Variants in ANXA4 observed in about 807,000 individuals in gnomAD.
ANXA4 encodes annexin A4.
In ANXA4, 39 loss-of-function variants were observed where a neutral mutation model predicts 49.8. The observed-to-expected ratio is 0.78, with a 90% CI of 0.61 to 1.02. The LOEUF (loss-of-function observed/expected upper bound fraction) is 1.02, where lower values mean the gene tolerates loss of function less well. Among genes scored for constraint, ANXA4 ranks in the 50% least tolerant of loss-of-function variants. ANXA4 has a pLI of 0.00. For missense variants in ANXA4, 360 were observed against 410.1 expected, an observed-to-expected ratio of 0.88 and a Z score of 1.05; for synonymous variants, 134 against 152.5, an observed-to-expected ratio of 0.88 and a Z score of 0.89.
intron 1 of ANXA4, among the ~76,000 whole-genome samples, chr2:69,745,884 G>C (rs1670592019): frequency 6.6e-6 from 1 of 152,128 alleles, no homozygotes; most frequent in Non-Finnish European, 1.5e-5. Context: ...TTCATAAATT[G>C]AATAAAGCAT....
Position 69,810,626 on chromosome 2 carries a change from T to C in ANXA4, c.430T>C (p.Ser144Pro). 1 of 1,614,128 alleles carries C rather than the reference T, an allele frequency of 6.2e-7. No individual in the cohort carries two copies. Among genetic ancestry groups the C allele is most frequent in the Middle Eastern group, 1.7e-4 (1 of 6,060 alleles). Residue 144 changes from serine (S) to proline (P), a missense_variant, in exon 7 of 13, where the codon TCT (serine) becomes CCT (proline). By Grantham distance (74) the Ser-to-Pro change is moderately conservative. Transcript: ENST00000394295. ...ACGGAGCCTTGAAGATGACATTCGC[T>C]CTGACACATCGTTCATGTTCCAGCG... is the stretch of plus-strand genomic sequence containing the variant. Reference protein sequence around the residue: ...YGRSLEDDIRSDTSFMFQRVL... With the variant: ...YGRSLEDDIRPDTSFMFQRVL...
chr2:69,727,995 A>G (rs1670004945), intron 3 of ANXA4, among the ~76,000 whole-genome samples: 1 of 152,226 alleles, frequency 6.6e-6, no homozygotes, highest in Admixed American at 6.5e-5. Context: ...ATTTGTCTAA[A>G]GGAAACACTC....
chr2:69,802,149 G>A (rs1352050390), intron 3 of ANXA4, among the ~76,000 whole-genome samples: 1 of 152,192 alleles, frequency 6.6e-6, no homozygotes, highest in Non-Finnish European at 1.5e-5. Flanking sequence ...AGATGATGGG[G>A]AGCCATTGTG....
chr2:69,752,437 A>G (rs1670881132), intron 1 of ANXA4, among the ~76,000 whole-genome samples: 1 of 152,198 alleles, frequency 6.6e-6, no homozygotes, highest in Non-Finnish European at 1.5e-5. Context: ...ATCAAGGCAG[A>G]GATTTAGCCT....
At chr2:69,803,386 C>G (rs1558515076) in intron 3 of ANXA4, 1 of 152,118 alleles carries the variant, frequency 6.6e-6, no homozygotes, top group African/African-American at 2.4e-5. Context: ...TCCAACCCCC[C>G]ATACAGCACA....
intron 3 of ANXA4, among the ~76,000 whole-genome samples, chr2:69,731,606 C>G (rs892074336): frequency 2.0e-5 from 3 of 151,542 alleles, no homozygotes; most frequent in Admixed American, 6.5e-5. Context: ...TGAATATGAG[C>G]TGCGGCTCAG....
chr2:69,666,451 T>C (rs1414561311), intron 2 of ANXA4, among the ~76,000 whole-genome samples: 1 of 152,186 alleles, frequency 6.6e-6, no homozygotes, highest in East Asian at 1.9e-4. Context: ...GGTTAAACAG[T>C]ATCACCATAT....
At chr2:69,644,419 C>T (rs1675917554), upstream of ANXA4, 1 of 152,202 alleles carries the variant, frequency 6.6e-6, no homozygotes, top group Non-Finnish European at 1.5e-5. Flanking sequence ...GAGCGCCAGC[C>T]TTGAAATAAG....
chr2:69,648,485 G>A (rs1315332144), intron 1 of ANXA4, among the ~76,000 whole-genome samples: 4 of 152,192 alleles, frequency 2.6e-5, no homozygotes, highest in African/African-American at 9.7e-5. Flanking sequence ...GAGAACCACT[G>A]TTTAGCAGAA....
intron 2 of ANXA4, among the ~76,000 whole-genome samples, chr2:69,660,726 C>A (rs1676680765): frequency 6.8e-6 from 1 of 147,334 alleles, no homozygotes; most frequent in African/African-American, 2.5e-5. Context: ...AGAGAAAGAA[C>A]CAATTAACTA....
chr2:69,700,470 C>G (rs191729947), intron 2 of ANXA4: 3 of 152,322 alleles, frequency 2.0e-5, no homozygotes, highest in Admixed American at 2.0e-4. Flanking sequence ...CTGCCACCAT[C>G]CGTACTCTTC....
At chr2:69,699,100 G>C (rs1423676809) in intron 2 of ANXA4, among the ~76,000 whole-genome samples, 1 of 152,150 alleles carries the variant, frequency 6.6e-6, no homozygotes, top group Non-Finnish European at 1.5e-5. Flanking sequence ...AGGATGTGAT[G>C]GTCTTTGCCA....
chr2:69,700,550 A>G (rs1466519422), intron 2 of ANXA4, among the ~76,000 whole-genome samples: 1 of 152,254 alleles, frequency 6.6e-6, no homozygotes, highest in Non-Finnish European at 1.5e-5. Flanking sequence ...CTCATAATTT[A>G]TCACATACAT....
chr2:69,695,598 G>A (rs766410169), intron 2 of ANXA4, among the ~76,000 whole-genome samples: 2 of 152,194 alleles, frequency 1.3e-5, no homozygotes, highest in Admixed American at 1.3e-4. Context: ...AACCACGCTG[G>A]GGAGAGCTGG....
At position 69,656,333 on chromosome 2, in the gene ANXA4, G is replaced by A. The variant is rs201231435; in HGVS notation, n.766+3051G>A. ...TATATGTATATATATGTATATATAT[G>A]TGTATATATATGTGTATATATGTGT... On this transcript the variant is annotated intron_variant and non_coding_transcript_variant, in intron 2 of 3. Transcript: ENST00000418066. 8.7e-5 allele frequency among the ~76,000 whole-genome samples: 8 copies of A among 91,434 alleles called. No homozygotes were observed. The East Asian group carries it at 3.5e-3, about 40-fold the overall frequency. The allele number at this position is 91,434 out of a possible 152,430, so 60.0% of individuals were successfully genotyped here.
intron 3 of ANXA4, among the ~76,000 whole-genome samples, chr2:69,728,485 T>C (rs550405933): frequency 1.3e-5 from 2 of 152,354 alleles, no homozygotes; most frequent in Admixed American, 1.3e-4. Flanking sequence ...TATTAACCTA[T>C]GTGTTCTTCT....
intron 2 of ANXA4, among the ~76,000 whole-genome samples, chr2:69,680,404 G>A (rs1677554373): frequency 6.6e-6 from 1 of 152,090 alleles, no homozygotes; most frequent in Admixed American, 6.6e-5. Context: ...GTTTTTGGGT[G>A]CACCCTTTAG....
chr2:69,686,152 A>G (rs1677778490), intron 2 of ANXA4, among the ~76,000 whole-genome samples: 1 of 152,014 alleles, frequency 6.6e-6, no homozygotes, highest in Non-Finnish European at 1.5e-5. Flanking sequence ...TAAAATTATT[A>G]TTATTATTTT....
chr2:69,809,980 C>T (rs995042077), intron 6 of ANXA4: 2 of 152,772 alleles, frequency 1.3e-5, no homozygotes, highest in African/African-American at 4.8e-5. Context: ...TCACTGAGAA[C>T]CACGTTCAGA....
Sources: gnomAD v4.1 joint callset for allele counts (sites outside exome capture counted in the v4.1 genomes callset) on GRCh38, gnomAD v4.1.1 for gene constraint, MANE v1.5 for transcripts, NCBI Gene and HGNC (gene_info 2026-07-23, HGNC 2026-07-21) for gene names.